Variants in THRAP3 observed in about 807,000 individuals in gnomAD.
THRAP3 encodes the protein thyroid hormone receptor-associated protein 3.
In THRAP3, 16 loss-of-function variants were observed where a neutral mutation model predicts 101.0. The ratio of observed to expected loss-of-function variants is 0.16; its 90% CI spans 0.11 to 0.24. The LOEUF (loss-of-function observed/expected upper bound fraction) is 0.24. THRAP3 is among the 10% of genes least tolerant of loss of function. The pLI is 1.00. For synonymous variants in THRAP3, 407 were observed against 422.6 expected, an observed-to-expected ratio of 0.96 and a Z score of 0.45; for missense variants, 989 against 1,202.7, an observed-to-expected ratio of 0.82 and a Z score of 2.63.
intron 1 of THRAP3, chr1:36,225,097 T>C (rs989218868): frequency 2.6e-5 from 4 of 152,242 alleles, no homozygotes; most frequent in Non-Finnish European, 5.9e-5. Flanking sequence ...GTTCTGCTTA[T>C]ATGAGGTGAA....
chr1:36,213,985 GAAAGAAAGAAAGGAAAGAAAGAAA>G, the THRAP3 span, among the ~76,000 whole-genome samples: 5 of 91,610 alleles, frequency 5.5e-5, no homozygotes, highest in African/African-American at 2.9e-4. Flanking sequence ...AAGAAAGAAA[GAAAGAAAGAAAGGAAAGAAAGAAA>G]GAAAGAAAGA....
In THRAP3 at chr1:36,286,351, T is replaced by C; in HGVS notation, c.138-17T>C. 1.3e-6 allele frequency: 2 copies of C among 1,550,174 alleles called. No individual in the cohort carries two copies. Among genetic ancestry groups the C allele is most frequent in the Middle Eastern group, 1.7e-4 (1 of 5,764 alleles). ...TGTCAAAAATTCAAACATTTGTCTCTTTCCTTTCCATTCCAGTTCTAGGTC... is the reference window on the plus strand; with the variant it reads ...TGTCAAAAATTCAAACATTTGTCTCCTTCCTTTCCATTCCAGTTCTAGGTC... On this transcript the variant is annotated splice_polypyrimidine_tract_variant and intron_variant, in intron 3 of 11. Coordinates refer to ENST00000354618, the MANE Select transcript of THRAP3 (RefSeq NM_005119.4). This position sits in a 1 kb window ranked among gnomAD's most constrained non-coding sequence, Gnocchi z 5.5.
At chr1:36,210,052 C>T in the THRAP3 span, among the ~76,000 whole-genome samples, 3 of 152,234 alleles carry the variant, frequency 2.0e-5, no homozygotes, top group East Asian at 5.8e-4. Flanking sequence ...TTCTGGTCCC[C>T]AGTGAATTGA....
At chr1:36,254,742 TTGGAATGTTGTATAATTTTA>T (rs1300075306) in intron 1 of THRAP3, among the ~76,000 whole-genome samples, 2 of 152,134 alleles carry the variant, frequency 1.3e-5, no homozygotes, top group East Asian at 3.8e-4. Flanking sequence ...AAAAAAGAAG[TTGGAATGTTGTATAATTTTA>T]ACCTCTAATG....
At chr1:36,214,252 G>A in the THRAP3 span, among the ~76,000 whole-genome samples, 12 of 152,344 alleles carry the variant, frequency 7.9e-5, no homozygotes, top group South Asian at 1.0e-3. Context: ...TGTGATGAGT[G>A]TGGTGAGACC....
chr1:36,214,470 T>C, the THRAP3 span, among the ~76,000 whole-genome samples: 1 of 152,214 alleles, frequency 6.6e-6, no homozygotes, highest in Non-Finnish European at 1.5e-5. Context: ...TCGTCTCATC[T>C]GGAATACTGT....
intron 3 of THRAP3, among the ~76,000 whole-genome samples, chr1:36,285,912 T>C (rs1270009198): frequency 1.3e-5 from 2 of 151,600 alleles, no homozygotes; most frequent in Admixed American, 1.3e-4. Context: ...GGGTGTGGAG[T>C]GTTACCACAT....
intron 1 of THRAP3, among the ~76,000 whole-genome samples, chr1:36,248,904 CT>C (rs752119832): frequency 1.6e-3 from 228 of 143,660 alleles, no homozygotes; most frequent in Admixed American, 2.2e-3. Flanking sequence ...TTCTTTCTTT[CT>C]TTTTTTTTTT....
At chr1:36,299,563 T>C (rs1315498175) in intron 9 of THRAP3, among the ~76,000 whole-genome samples, 1 of 151,044 alleles carries the variant, frequency 6.6e-6, no homozygotes, top group African/African-American at 2.4e-5. Flanking sequence ...TGCAATGATA[T>C]GATCTCGGCT....
At position 36,226,109 on chromosome 1, in the gene THRAP3, T is replaced by C. The variant is rs575790587; in HGVS notation, c.-135+1604T>C. Among the ~76,000 whole-genome samples the C allele has an allele frequency of 1.3e-4, 20 of 152,346 alleles. No homozygotes were observed. The South Asian group carries it at 3.9e-3, about 30-fold the overall frequency. On this transcript the variant is annotated intron_variant, in intron 1 of 11. Coordinates refer to ENST00000354618, the MANE Select transcript of THRAP3 (RefSeq NM_005119.4). ...TTAATACCAAATATATAGGTACTTT[T>C]AAATTTGGTTTAGCCTGCAAAATAT...
intron 1 of THRAP3, among the ~76,000 whole-genome samples, chr1:36,246,865 T>C (rs1490878599): frequency 6.6e-6 from 1 of 151,420 alleles, no homozygotes; most frequent in Non-Finnish European, 1.5e-5. Flanking sequence ...AATAAATAAA[T>C]AAAATTACAG....
chr1:36,291,212 A>T (rs984162705), intron 5 of THRAP3, among the ~76,000 whole-genome samples, 162 bp from the exon 6 acceptor site: 3 of 152,182 alleles, frequency 2.0e-5, no homozygotes, highest in African/African-American at 7.2e-5. Context: ...TTTTGTATAT[A>T]CTTTTCCATA....
chr1:36,283,274 C>A (rs1322777827), intron 3 of THRAP3, among the ~76,000 whole-genome samples: 1 of 152,178 alleles, frequency 6.6e-6, no homozygotes, highest in East Asian at 1.9e-4. Flanking sequence ...GAGCACAGTT[C>A]TTTTGAATTT....
chr1:36,249,464 T>C (rs981057977), intron 1 of THRAP3, among the ~76,000 whole-genome samples: 2 of 152,030 alleles, frequency 1.3e-5, no homozygotes, highest in African/African-American at 4.8e-5. Flanking sequence ...GTGCTGAGAT[T>C]ACAGGCGTGA....
intron 3 of THRAP3, among the ~76,000 whole-genome samples, chr1:36,283,370 A>G (rs1645757203): frequency 6.6e-6 from 1 of 151,990 alleles, no homozygotes; most frequent in Non-Finnish European, 1.5e-5. Context: ...AGGATGCCAA[A>G]CCTCCAGCGT....
intron 2 of THRAP3, among the ~76,000 whole-genome samples, chr1:36,273,735 G>T (rs959064549): frequency 6.6e-6 from 1 of 151,992 alleles, no homozygotes. Context: ...AAGGTTGCAG[G>T]TACAAGATCA....
intron 2 of THRAP3, among the ~76,000 whole-genome samples, chr1:36,275,213 C>T (rs1645642501): frequency 6.7e-6 from 1 of 148,672 alleles, no homozygotes; most frequent in Non-Finnish European, 1.5e-5. Flanking sequence ...TGGCATGAAT[C>T]TGCAAGGCGG....
intron 2 of THRAP3, among the ~76,000 whole-genome samples, chr1:36,270,397 A>G (rs1022798325): frequency 1.3e-5 from 2 of 151,846 alleles, no homozygotes; most frequent in African/African-American, 2.4e-5. Context: ...CCTGACACAC[A>G]CACACACGCA....
chr1:36,303,691 G>T, intron 11 of THRAP3, 105 bp from the exon 12 acceptor site: 1 of 1,545,960 alleles, frequency 6.5e-7, no homozygotes, highest in Non-Finnish European at 8.7e-7. Context: ...GCTGGGTTAG[G>T]GCACAGGTTC....
Sources: allele counts gnomAD v4.1 joint callset (sites outside exome capture counted in the v4.1 genomes callset), GRCh38; gene constraint gnomAD v4.1.1; non-coding constraint Gnocchi (gnomAD v3.1); transcripts MANE v1.5; gene names NCBI Gene and HGNC (gene_info 2026-07-23, HGNC 2026-07-21).